COIL: variants seen among roughly 807,000 people sequenced by gnomAD.
COIL encodes coilin.
In COIL, 28 loss-of-function variants were observed where a neutral mutation model predicts 51.6. The ratio of observed to expected loss-of-function variants is 0.54; its 90% CI spans 0.40 to 0.74. The LOEUF (loss-of-function observed/expected upper bound fraction) is 0.74. COIL is among the 30% of genes least tolerant of loss of function. The pLI, the probability that COIL is intolerant of heterozygous loss-of-function variation, is 0.00. For missense variants in COIL, 667 were observed against 685.9 expected (o/e 0.97, Z 0.31); for synonymous variants, 233 against 255.8 (o/e 0.91, Z 0.85).
chr17:56,949,436 TA>T lies in COIL; in HGVS notation c.1441-3del. The T allele has an allele frequency of 6.2e-7, 1 of 1,604,110 alleles. No individual in the cohort carries two copies. Among genetic ancestry groups the T allele is most frequent in the Non-Finnish European group, 8.5e-7 (1 of 1,177,842 alleles). On this transcript the variant is annotated splice_region_variant and splice_polypyrimidine_tract_variant and intron_variant, in intron 3 of 6. Coordinates refer to ENST00000240316, the MANE Select transcript of COIL (RefSeq NM_004645.3). ...GTAACTGGATGTTAGCTCCAAAAGC[TA>T]AAAAAGAAGAAAAAACCCACAAATA...
chr17:56,941,569 A>G (rs2053221267), intron 6 of COIL, among the ~76,000 whole-genome samples: 1 of 152,188 alleles, frequency 6.6e-6, no homozygotes, highest in Non-Finnish European at 1.5e-5. Flanking sequence ...GACTCTCTCA[A>G]AAAAACAAAA....
Position 56,949,883 on chromosome 17 carries a change from A to G in COIL, c.1353+6T>C. On this transcript the variant is annotated splice_donor_region_variant and intron_variant, in intron 2 of 6. Coordinates refer to ENST00000240316, the MANE Select transcript of COIL (RefSeq NM_004645.3). The stretch of plus-strand genomic sequence containing the variant: ...GAGGAGATAACTTACAAAAAATAAT[A>G]CTTACCTGGATAATAGTAGATGAAT... 6.2e-7 allele frequency: 1 copy of G among 1,612,412 alleles called. No individual in the cohort carries two copies.
In COIL at chr17:56,950,721, C is replaced by G; in HGVS notation, c.521G>C (p.Gly174Ala). The stretch of plus-strand genomic sequence containing the variant: ...TCTTTTGGCCTCTTCGTTATCATCA[C>G]CCACTGTGCCACAGGTTGCTTTATT... ...RKNKATCGTV[G>A]DDNEEAKRKS... is the part of the protein sequence containing the mutation. Residue 174 changes from glycine (G) to alanine (A), a missense_variant, in exon 2 of 7, where the codon GGT becomes GCT. Physicochemically the swap from Gly to Ala is moderately conservative, Grantham distance 60. Transcript: ENST00000240316. 6.2e-7 allele frequency: 1 copy of G among 1,613,698 alleles called. No homozygotes were observed. The highest frequency in any genetic ancestry group is 8.5e-7 in the Non-Finnish European group (1 of 1,179,990).
intron 4 of COIL, among the ~76,000 whole-genome samples, chr17:56,947,184 G>C (rs1026061725): frequency 6.6e-6 from 1 of 152,118 alleles, no homozygotes; most frequent in Non-Finnish European, 1.5e-5. Context: ...TGGAATTTCT[G>C]AGCACAGTCA....
chr17:56,951,376 T>C (rs540947343), intron 1 of COIL: 132 of 169,898 alleles, frequency 7.8e-4, no homozygotes, highest in Non-Finnish European at 1.4e-3. Context: ...CTTCAGTTTG[T>C]CTAACTTCAA....
In COIL at chr17:56,961,041, G is replaced by T. The variant is rs377352607; in HGVS notation, c.-22C>A. ...CCATCTTGCTTGGTGCTCAACGGAA[G>T]CCGAGAGATACCACGGGGCCACCGA... On this transcript the variant is annotated 5_prime_UTR_variant, in exon 1 of 7. Transcript: ENST00000240316. The T allele has an allele frequency of 6.2e-7, 1 of 1,608,782 alleles. No homozygotes were observed. The highest frequency in any genetic ancestry group is 1.1e-5 in the South Asian group (1 of 90,824).
rs1301271870 is a variant in COIL at position 56,938,899 on chromosome 17, C to T, written c.*172G>A. 14 of 458,976 alleles carry T rather than the reference C, an allele frequency of 3.1e-5. No homozygotes were observed. Among genetic ancestry groups the T allele is most frequent in the East Asian group, 1.1e-4 (3 of 28,552 alleles). 28.4% of individuals were successfully genotyped at this position (458,976 alleles called of 1,614,324 possible). A position where few individuals can be genotyped will look rare whatever the true frequency, so the allele number is the denominator to read the frequency against. On this transcript the variant is annotated 3_prime_UTR_variant, in exon 7 of 7. Coordinates refer to ENST00000240316, the MANE Select transcript of COIL (RefSeq NM_004645.3). ...CAAAAAAACCAAAGATCTACAAAAC[C>T]GACACCCATGTCATTTTAAATGATG...
At chr17:56,946,703 T>C (rs1430125746) in intron 4 of COIL, among the ~76,000 whole-genome samples, 192 bp from the exon 5 acceptor site, 1 of 152,226 alleles carries the variant, frequency 6.6e-6, no homozygotes, top group African/African-American at 2.4e-5. Context: ...ATAAACACTT[T>C]ATGTGAATAT....
intron 6 of COIL, chr17:56,940,988 T>G (rs1335109723): frequency 6.6e-6 from 1 of 151,532 alleles, no homozygotes; most frequent in East Asian, 2.0e-4. Context: ...ATACAAAAAA[T>G]TAGCCAGGCG....
In COIL at chr17:56,950,388, G is replaced by A; in HGVS notation, c.854C>T (p.Ser285Phe). Reference protein sequence around the residue: ...LPTELSKEEPSTKNTTADKLA... With the variant: ...LPTELSKEEPFTKNTTADKLA... ...TTTGTCTGCAGTTGTATTTTTGGTAGAGGGTTCTTCCTTTGATAACTCAGT... is the reference window on the plus strand; with the variant it reads ...TTTGTCTGCAGTTGTATTTTTGGTAAAGGGTTCTTCCTTTGATAACTCAGT... Residue 285 changes from serine (S) to phenylalanine (F), a missense_variant, in exon 2 of 7, where the codon TCT (serine) becomes TTT (phenylalanine). Ser to Phe is a radical substitution (Grantham distance 155, BLOSUM62 -2). Transcript: ENST00000240316. The A allele has an allele frequency of 6.2e-7, 1 of 1,614,182 alleles. No individual in the cohort carries two copies. Among genetic ancestry groups the A allele is most frequent in the Non-Finnish European group, 8.5e-7 (1 of 1,180,040 alleles).
intron 5 of COIL, among the ~76,000 whole-genome samples, chr17:56,945,792 T>G (rs929649239): frequency 1.3e-5 from 2 of 152,240 alleles, no homozygotes; most frequent in South Asian, 4.1e-4. Context: ...CTCGGCTCAC[T>G]GCAACCTCCA....
At chr17:56,958,768 G>C (rs540446079) in intron 1 of COIL, among the ~76,000 whole-genome samples, 7 of 152,206 alleles carry the variant, frequency 4.6e-5, no homozygotes, top group Admixed American at 2.6e-4. Flanking sequence ...AGAGAGAATA[G>C]AGACCTATTT....
intron 4 of COIL, among the ~76,000 whole-genome samples, chr17:56,946,878 G>A (rs570704434): frequency 8.5e-5 from 13 of 152,198 alleles, no homozygotes; most frequent in Non-Finnish European, 1.5e-4. Context: ...AGTGAGCACT[G>A]ACCATCACAG....
chr17:56,960,722 GCGCGTCCCCCGCC>G, intron 1 of COIL, 40 bp downstream of exon 1: 3 of 1,414,586 alleles, frequency 2.1e-6, no homozygotes, highest in Non-Finnish European at 2.8e-6. Flanking sequence ...GCGTGCGCAG[GCGCGTCCCCCGCC>G]CGCCGCCCAC....
At chr17:56,951,019 A>T (rs1194241370) in intron 1 of COIL, 23 bp from the exon 2 acceptor site, 7 of 1,567,668 alleles carry the variant, frequency 4.5e-6, no homozygotes, top group Non-Finnish European at 6.0e-6. Context: ...CAAGAGAGAA[A>T]GCTAGAGTGA....
rs528608684 is a variant in COIL at position 56,938,887 on chromosome 17, G to A, written c.*184C>T. ...AATTAAACCTGACAAAAAAACCAAAGATCTACAAAACCGACACCCATGTCA... is the reference window on the plus strand; with the variant it reads ...AATTAAACCTGACAAAAAAACCAAAAATCTACAAAACCGACACCCATGTCA... On this transcript the variant is annotated 3_prime_UTR_variant, in exon 7 of 7. Coordinates refer to ENST00000240316, the MANE Select transcript of COIL (RefSeq NM_004645.3). 2.2e-6 allele frequency: 1 copy of A among 450,506 alleles called. No individual in the cohort carries two copies. The highest frequency in any genetic ancestry group is 2.0e-5 in the African/African-American group (1 of 49,014). 27.9% of individuals were successfully genotyped at this position (450,506 alleles called of 1,614,324 possible).
intron 5 of COIL, among the ~76,000 whole-genome samples, chr17:56,944,374 C>T (rs1036839291): frequency 2.6e-5 from 4 of 152,018 alleles, no homozygotes; most frequent in African/African-American, 7.2e-5. Context: ...GGGAGGATCA[C>T]GAGGTCAGGA....
intron 1 of COIL, 67 bp from the exon 2 acceptor site, chr17:56,951,063 T>G (rs1910361578): frequency 7.2e-7 from 1 of 1,382,396 alleles, no homozygotes; most frequent in Non-Finnish European, 9.7e-7. Flanking sequence ...GACATAGTTA[T>G]ATACTGAGAT....
chr17:56,941,923 A>G (rs1910156045), intron 6 of COIL, 112 bp downstream of exon 6: 2 of 843,306 alleles, frequency 2.4e-6, no homozygotes, highest in South Asian at 2.8e-5. Context: ...CCACACCATA[A>G]GAAGGTCAGA....
Sources: gnomAD v4.1 joint callset for allele counts (sites outside exome capture counted in the v4.1 genomes callset) on GRCh38, gnomAD v4.1.1 for gene constraint, MANE v1.5 for transcripts, NCBI Gene and HGNC (gene_info 2026-07-23, HGNC 2026-07-21) for gene names.